The following SRFBP1 variants were observed in gnomAD, a reference collection of about 807,000 sequenced individuals.
SRFBP1 encodes serum response factor-binding protein 1.
In SRFBP1, 47 loss-of-function variants were observed where a neutral mutation model predicts 45.5. The ratio of observed to expected loss-of-function variants is 1.03; its 90% confidence interval spans 0.82 to 1.32. SRFBP1 has a LOEUF of 1.32. Among genes scored for constraint, SRFBP1 ranks in the 40% most tolerant of loss-of-function variants. SRFBP1 has a pLI of 0.00. For synonymous variants in SRFBP1, 203 were observed against 166.3 expected, an observed-to-expected ratio of 1.22 and a Z score of -1.70; for missense variants, 621 against 484.6, an observed-to-expected ratio of 1.28 and a Z score of -2.64.
chr5:122,049,315 A>G (rs538199031), intron 2 of SRFBP1, among the ~76,000 whole-genome samples: 2 of 152,312 alleles, frequency 1.3e-5, no homozygotes, highest in South Asian at 4.1e-4. Flanking sequence ...CAATTCAACA[A>G]GAAGAGCTAA....
intron 2 of SRFBP1, among the ~76,000 whole-genome samples, chr5:122,060,892 C>T (rs994497803): frequency 4.6e-5 from 7 of 152,106 alleles, no homozygotes; most frequent in Non-Finnish European, 8.8e-5. Flanking sequence ...AAGATATATG[C>T]CTGTCGGCAG....
intron 1 of SRFBP1, among the ~76,000 whole-genome samples, chr5:121,969,774 G>T (rs986637138): frequency 6.6e-6 from 1 of 151,998 alleles, no homozygotes; most frequent in Admixed American, 6.6e-5. Context: ...AATCAGTCTT[G>T]TTGGTGATGG....
intron 4 of SRFBP1, among the ~76,000 whole-genome samples, chr5:122,004,268 C>T (rs550355027): frequency 5.9e-5 from 9 of 152,262 alleles, no homozygotes; most frequent in Admixed American, 2.0e-4. Flanking sequence ...TCCAGCCTTA[C>T]GTTTTGGCCT....
intron 7 of SRFBP1, among the ~76,000 whole-genome samples, chr5:122,023,891 T>C (rs1442015604): frequency 6.6e-6 from 1 of 152,192 alleles, no homozygotes; most frequent in African/African-American, 2.4e-5. Context: ...GTTCTCAAAC[T>C]TGTCTTATTT....
At chr5:122,017,571 G>A (rs1260247692) in intron 4 of SRFBP1, among the ~76,000 whole-genome samples, 1 of 152,166 alleles carries the variant, frequency 6.6e-6, no homozygotes, top group East Asian at 1.9e-4. Context: ...TTTCCAGGTG[G>A]ATGTGAATTT....
chr5:122,041,109 G>A (rs755643897), intron 2 of SRFBP1, among the ~76,000 whole-genome samples: 6 of 152,112 alleles, frequency 3.9e-5, no homozygotes, highest in Non-Finnish European at 5.9e-5. Flanking sequence ...GACTCATATG[G>A]TTGAATAGCT....
At chr5:122,060,428 T>C (rs1754152636) in intron 2 of SRFBP1, among the ~76,000 whole-genome samples, 1 of 152,072 alleles carries the variant, frequency 6.6e-6, no homozygotes, top group Non-Finnish European at 1.5e-5. Context: ...CACCCACACA[T>C]AAGCCAAAAT....
At chr5:122,054,362 A>G (rs1457873281) in intron 2 of SRFBP1, among the ~76,000 whole-genome samples, 3 of 152,210 alleles carry the variant, frequency 2.0e-5, no homozygotes, top group Non-Finnish European at 4.4e-5. Flanking sequence ...CTAAGCCCAG[A>G]CAGGCTGGTG....
At chr5:122,035,686 C>T (rs951106231) in intron 2 of SRFBP1, among the ~76,000 whole-genome samples, 1 of 152,110 alleles carries the variant, frequency 6.6e-6, no homozygotes, top group African/African-American at 2.4e-5. Context: ...TTTATGGTGT[C>T]TTTTGTGCTG....
At chr5:122,020,858 A>C (rs954147274) in intron 6 of SRFBP1, 56 bp downstream of exon 6, 1 of 1,403,446 alleles carries the variant, frequency 7.1e-7, no homozygotes. Flanking sequence ...AAAAGCTATA[A>C]ATGTCTACTT....
At chr5:122,075,775 A>T (rs548905091), downstream of SRFBP1, among the ~76,000 whole-genome samples, 3 of 152,296 alleles carry the variant, frequency 2.0e-5, no homozygotes, top group Non-Finnish European at 4.4e-5. Flanking sequence ...GTGAATGAAT[A>T]ACACCTATGG....
chr5:122,022,075 C>T (rs191149784), intron 6 of SRFBP1, among the ~76,000 whole-genome samples: 5 of 151,954 alleles, frequency 3.3e-5, no homozygotes, highest in Admixed American at 1.3e-4. Flanking sequence ...TAGATAATCC[C>T]GAAGTGTAAA....
At chr5:121,994,807 G>A (rs904248064) in intron 4 of SRFBP1, 137 bp downstream of exon 4, 13 of 552,148 alleles carry the variant, frequency 2.4e-5, no homozygotes, top group African/African-American at 6.0e-5. Context: ...CTCCATTACT[G>A]CCACCACAAA....
chr5:122,003,775 T>A (rs1467932051), intron 4 of SRFBP1, among the ~76,000 whole-genome samples: 1 of 152,216 alleles, frequency 6.6e-6, no homozygotes, highest in African/African-American at 2.4e-5. Flanking sequence ...AGGTGATATC[T>A]CGTTACGGTT....
chr5:121,973,380 G>T (rs978303202), intron 1 of SRFBP1, among the ~76,000 whole-genome samples: 2 of 151,764 alleles, frequency 1.3e-5, no homozygotes, highest in Admixed American at 1.3e-4. Context: ...AGTGAAGAAG[G>T]GGAAGAAGGA....
Position 122,068,670 on chromosome 5 carries a change from T to C in SRFBP1, n.312-6645T>C, listed in dbSNP as rs1206982893. 2.6e-5 allele frequency among the ~76,000 whole-genome samples: 4 copies of C among 152,108 alleles called. No homozygotes were observed. In the East Asian group the frequency reaches 5.8e-4, roughly 22 times the overall value. Reference sequence around the variant, plus strand: ...CACTGAGTAGAGCAGGAGACAGACATTAAACAAAGAAATTCATAAGTAATT... The same window carrying C: ...CACTGAGTAGAGCAGGAGACAGACACTAAACAAAGAAATTCATAAGTAATT... On this transcript the variant is annotated intron_variant and non_coding_transcript_variant, in intron 2 of 2. Coordinates refer to the SRFBP1 transcript ENST00000504881.
At chr5:122,066,786 C>A in intron 2 of SRFBP1, 1 of 1,365,096 alleles carries the variant, frequency 7.3e-7, no homozygotes, top group Non-Finnish European at 1.0e-6. Context: ...AATTATTAAC[C>A]TGATAATATA....
intron 2 of SRFBP1, among the ~76,000 whole-genome samples, chr5:122,040,993 T>C (rs1447079430): frequency 6.6e-6 from 1 of 152,168 alleles, no homozygotes; most frequent in Non-Finnish European, 1.5e-5. Context: ...ATCTAGAATA[T>C]AGATTTGTGG....
chr5:122,003,309 C>T (rs1218105323), intron 4 of SRFBP1, among the ~76,000 whole-genome samples: 8 of 149,290 alleles, frequency 5.4e-5, no homozygotes, highest in African/African-American at 1.7e-4. Context: ...CATGCCACTG[C>T]ACTCCAGCAT....
Sources: allele counts gnomAD v4.1 joint callset (sites outside exome capture counted in the v4.1 genomes callset), GRCh38; gene constraint gnomAD v4.1.1; transcripts MANE v1.5; gene names NCBI Gene and HGNC (gene_info 2026-07-23, HGNC 2026-07-21).